The following DIP2C variants were observed in gnomAD, a reference collection of about 807,000 sequenced individuals.
DIP2C encodes DIP2 acetate--CoA ligase C (putative), also known as disco-interacting protein 2 homolog C.
DIP2C carries 33 observed loss-of-function variants against 192.4 expected under a neutral mutation model. The ratio of observed to expected loss-of-function variants is 0.17; its 90% CI spans 0.13 to 0.23. DIP2C has a LOEUF of 0.23. Among genes scored for constraint, DIP2C ranks in the 10% least tolerant of loss-of-function variants. DIP2C has a pLI of 1.00. For synonymous variants in DIP2C, 979 were observed against 864.1 expected (o/e 1.13, Z -2.33); for missense variants, 1,537 against 2,110.1 (o/e 0.73, Z 5.32).
intron 2 of DIP2C, among the ~76,000 whole-genome samples, chr10:473,420 C>T (rs1193699755): frequency 3.3e-5 from 5 of 151,668 alleles, no homozygotes; most frequent in African/African-American, 1.2e-4. Context: ...GTTCCGTGAA[C>T]GGCTCTGATA....
intron 31 of DIP2C, among the ~76,000 whole-genome samples, chr10:314,860 G>A (rs1167864923): frequency 6.6e-6 from 1 of 152,184 alleles, no homozygotes; most frequent in African/African-American, 2.4e-5. Context: ...TTATACTACT[G>A]CATTAGGGAT....
At chr10:548,821 A>G (rs1848438780) in intron 1 of DIP2C, among the ~76,000 whole-genome samples, 1 of 149,234 alleles carries the variant, frequency 6.7e-6, no homozygotes, top group Non-Finnish European at 1.5e-5. Context: ...GTAGTTATTT[A>G]GAACCATTGT....
chr10:574,467 A>G (rs1243830269), intron 1 of DIP2C, among the ~76,000 whole-genome samples: 1 of 152,240 alleles, frequency 6.6e-6, no homozygotes, highest in Non-Finnish European at 1.5e-5. Context: ...GCCTCATATG[A>G]CGTGTGACAA....
At chr10:602,480 C>T (rs1157081275) in intron 1 of DIP2C, among the ~76,000 whole-genome samples, 2 of 152,202 alleles carry the variant, frequency 1.3e-5, no homozygotes, top group Non-Finnish European at 2.9e-5. Flanking sequence ...TGGGAGGCCT[C>T]GCTCTCAGGA....
chr10:558,082 CCTG>C (rs1431472032), intron 1 of DIP2C, among the ~76,000 whole-genome samples: 1 of 152,150 alleles, frequency 6.6e-6, no homozygotes, highest in Non-Finnish European at 1.5e-5. Context: ...AGGGTAGTGT[CCTG>C]GTTTCACGCT....
chr10:447,727 G>A (rs1352947675), intron 3 of DIP2C, among the ~76,000 whole-genome samples: 8 of 34,576 alleles, frequency 2.3e-4, no homozygotes, highest in Non-Finnish European at 3.0e-4. Context: ...TCCCACTGAT[G>A]CTCAGGATCA....
chr10:425,576 A>G (rs10904199), intron 4 of DIP2C, among the ~76,000 whole-genome samples: 93,009 of 137,770 alleles, frequency 0.68, 31,858 homozygotes, highest in African/African-American at 0.82. Flanking sequence ...CATGACCAGC[A>G]GTGACTAATA....
At chr10:486,777 T>C (rs1844050015) in intron 1 of DIP2C, among the ~76,000 whole-genome samples, 7 of 152,220 alleles carry the variant, frequency 4.6e-5, no homozygotes, top group Admixed American at 3.9e-4. Context: ...TCTGTATTTA[T>C]CCGGATGGGG....
At chr10:432,631 T>C (rs1433934518) in intron 4 of DIP2C, among the ~76,000 whole-genome samples, 1 of 152,246 alleles carries the variant, frequency 6.6e-6, no homozygotes, top group Admixed American at 6.5e-5. Context: ...TTCGTTGATT[T>C]TCTCTACTGA....
intron 1 of DIP2C, among the ~76,000 whole-genome samples, chr10:529,741 T>TA (rs1438515223): frequency 6.6e-6 from 1 of 152,216 alleles, no homozygotes; most frequent in Non-Finnish European, 1.5e-5. Context: ...TTGTTGCAGT[T>TA]ACTTTGATAA....
chr10:561,169 T>A (rs917539776), intron 1 of DIP2C, among the ~76,000 whole-genome samples: 4 of 152,200 alleles, frequency 2.6e-5, no homozygotes, highest in African/African-American at 9.7e-5. Flanking sequence ...TCTTAGTATC[T>A]CCTGAGGGCT....
At chr10:364,846 C>A in intron 19 of DIP2C, 2 of 637,758 alleles carry the variant, frequency 3.1e-6, no homozygotes, top group South Asian at 1.6e-5. Context: ...GAACCCTGAA[C>A]AGATAACACC....
At chr10:410,265 G>A (rs1321529081) in intron 8 of DIP2C, among the ~76,000 whole-genome samples, 2 of 152,208 alleles carry the variant, frequency 1.3e-5, no homozygotes, top group African/African-American at 2.4e-5. Context: ...TACGTGCTCA[G>A]CAAATGTTTC....
chr10:655,209 A>G (rs1379346670), intron 1 of DIP2C, among the ~76,000 whole-genome samples: 1 of 152,222 alleles, frequency 6.6e-6, no homozygotes, highest in African/African-American at 2.4e-5. Context: ...GGAAGGGGGC[A>G]ACCAGCAACC....
At chr10:623,608 C>T (rs542261545) in intron 1 of DIP2C, among the ~76,000 whole-genome samples, 86 of 42,634 alleles carry the variant, frequency 2.0e-3, no homozygotes, top group Middle Eastern at 0.018. Context: ...GACGCAGGGC[C>T]GAGGGCTGAG....
chr10:505,846 G>A (rs1299767575), intron 1 of DIP2C, among the ~76,000 whole-genome samples: 1 of 151,962 alleles, frequency 6.6e-6, no homozygotes, highest in Non-Finnish European at 1.5e-5. Flanking sequence ...ATTTCCTCTG[G>A]GCGCACCTGA....
intron 24 of DIP2C, among the ~76,000 whole-genome samples, chr10:351,419 T>TCTGCGC (rs1035610827): frequency 6.6e-6 from 1 of 152,196 alleles, no homozygotes; most frequent in African/African-American, 2.4e-5. Flanking sequence ...CCTGAGGACC[T>TCTGCGC]CTGCGCCAGG....
intron 1 of DIP2C, among the ~76,000 whole-genome samples, chr10:596,049 T>C (rs1162990660): frequency 6.6e-6 from 1 of 152,154 alleles, no homozygotes; most frequent in Non-Finnish European, 1.5e-5. Context: ...CTAAGGCCTG[T>C]TCCTCCGCCT....
intron 4 of DIP2C, among the ~76,000 whole-genome samples, chr10:438,877 A>G (rs1368156660): frequency 6.6e-6 from 1 of 151,910 alleles, no homozygotes; most frequent in Non-Finnish European, 1.5e-5. Context: ...GCTGGAGTGC[A>G]GTGGTGCCAT....
Sources: gnomAD v4.1 joint callset for allele counts (sites outside exome capture counted in the v4.1 genomes callset) on GRCh38, gnomAD v4.1.1 for gene constraint, MANE v1.5 for transcripts, NCBI Gene and HGNC (gene_info 2026-07-23, HGNC 2026-07-21) for gene names.